TNNT2: variants seen among roughly 807,000 people sequenced by gnomAD.
TNNT2 encodes the protein troponin T2, cardiac type, also known as troponin T, cardiac muscle.
A neutral mutation model predicts 62.4 loss-of-function variants in TNNT2; 34 were observed. That is an observed-to-expected ratio of 0.54 (90% CI 0.41 to 0.72). TNNT2 has a LOEUF of 0.72. Ranked by LOEUF, TNNT2 falls within the 30% of genes least tolerant of loss-of-function variation. The pLI, the probability that TNNT2 is intolerant of heterozygous loss-of-function variation, is 0.00. For synonymous variants in TNNT2, 123 were observed against 127.2 expected (o/e 0.97, Z 0.22); for missense variants, 275 against 381.9 (o/e 0.72, Z 2.33).
At chr1:201,370,141 A>G (rs1485220953) in intron 4 of TNNT2, among the ~76,000 whole-genome samples, 2 of 152,248 alleles carry the variant, frequency 1.3e-5, no homozygotes, top group Non-Finnish European at 2.9e-5. Context: ...GGTGCCTGGC[A>G]CAAGAGGAGC....
chr1:201,366,798 G>A (rs1399669914), intron 8 of TNNT2, 40 bp downstream of exon 8: 2 of 1,613,942 alleles, frequency 1.2e-6, no homozygotes, highest in Non-Finnish European at 1.7e-6. Flanking sequence ...CTCTCCCTGA[G>A]CCTCTGCTCC....
At chr1:201,373,023 G>A in intron 2 of TNNT2, 191 bp downstream of exon 2, 2 of 724,444 alleles carry the variant, frequency 2.8e-6, no homozygotes, top group Non-Finnish European at 2.5e-6. Context: ...CTCGGCCTGT[G>A]CTCTGCCTGG....
Position 201,368,298 on chromosome 1 carries a change from G to C in TNNT2, c.98-71C>G, listed in dbSNP as rs1036634301. 2.5e-5 allele frequency: 38 copies of C among 1,532,656 alleles called. No homozygotes were observed. The South Asian group carries it at 4.1e-4, about 16-fold the overall frequency. The allele number at this position is 1,532,656 out of a possible 1,614,324, so 94.9% of individuals were successfully genotyped here. ...GCTATCAGGCAGAACCCAGAGCAGA[G>C]AATGGGCAGCGGGGAGTGGGGATGG... On this transcript the variant is annotated intron_variant, in intron 5 of 16. Transcript: ENST00000656932.
At chr1:201,362,516 G>T in intron 12 of TNNT2, 122 bp from the exon 13 acceptor site, 1 of 1,295,084 alleles carries the variant, frequency 7.7e-7, no homozygotes, top group Non-Finnish European at 1.1e-6. Flanking sequence ...TCAGATACTC[G>T]CTGTAGTCAG....
chr1:201,364,707 T>C (rs1659344143), intron 10 of TNNT2, among the ~76,000 whole-genome samples: 1 of 152,204 alleles, frequency 6.6e-6, no homozygotes, highest in African/African-American at 2.4e-5. Context: ...CTTGGATAGA[T>C]GGCCAAGTCA....
At chr1:201,375,242 G>A (rs74136606) in intron 1 of TNNT2, 11,912 of 152,442 alleles carry the variant, frequency 0.078, 927 homozygotes, top group African/African-American at 0.2. Context: ...CCAGGTGGAG[G>A]CTTCCCCAGA....
At chr1:201,367,055 T>C (rs1659794328) in intron 7 of TNNT2, 184 bp from the exon 8 acceptor site, 8 of 880,578 alleles carry the variant, frequency 9.1e-6, no homozygotes, top group Non-Finnish European at 1.3e-5. Flanking sequence ...GGGCTGCAGA[T>C]GCCACACTCC....
intron 8 of TNNT2, chr1:201,366,216 GGCAAATAAAT>G: frequency 1.9e-6 from 2 of 1,028,852 alleles, no homozygotes; most frequent in South Asian, 3.9e-5. Context: ...GAAGGCACTG[GGCAAATAAAT>G]GGATCTGGGA....
chr1:201,359,578 AG>A, intron 16 of TNNT2, 44 bp downstream of exon 16: 2 of 1,562,816 alleles, frequency 1.3e-6, no homozygotes, highest in Non-Finnish European at 1.7e-6. Context: ...GTAGGGAAGG[AG>A]GGGGCAGGGG....
chr1:201,359,764 C>T lies in TNNT2; in HGVS notation c.811-101G>A, dbSNP rs868819098. 4.2e-5 allele frequency: 43 copies of T among 1,015,136 alleles called. No homozygotes were observed. In the Middle Eastern group the frequency reaches 3.8e-3, roughly 90 times the overall value. The allele number at this position is 1,015,136 out of a possible 1,614,324, so 62.9% of individuals were successfully genotyped here. A position where few individuals can be genotyped will look rare whatever the true frequency, so the allele number is the denominator to read the frequency against. ...GAGAAGGGGGCTGAGTGCAGCAGTG[C>T]AGGAGGAGAAGGAGGAGCATGGAAG... On this transcript the variant is annotated intron_variant, in intron 15 of 16. Transcript: ENST00000656932.
chr1:201,363,003 G>T lies in TNNT2; in HGVS notation c.600+293C>A, dbSNP rs965889512. On this transcript the variant is annotated intron_variant, in intron 12 of 16. Transcript: ENST00000656932. Reference sequence around the variant, plus strand: ...CTCTAGGCACAAGGCTCTTCCAGCTGCACCCAGCCTCCTTGGGGGCTCCTG... The same window carrying T: ...CTCTAGGCACAAGGCTCTTCCAGCTTCACCCAGCCTCCTTGGGGGCTCCTG... The T allele has an allele frequency of 2.2e-5, 12 of 554,952 alleles. No homozygotes were observed. The African/African-American group carries it at 2.2e-4, about 10-fold the overall frequency. The allele number at this position is 554,952 out of a possible 1,614,324, so 34.4% of individuals were successfully genotyped here. A position where few individuals can be genotyped will look rare whatever the true frequency, so the allele number is the denominator to read the frequency against.
At chr1:201,365,380 C>G in intron 9 of TNNT2, 73 bp from the exon 10 acceptor site, 1 of 1,363,084 alleles carries the variant, frequency 7.3e-7, no homozygotes, top group Non-Finnish European at 1.0e-6. Context: ...GGGCTAGACA[C>G]CCCCCAACGC....
At chr1:201,359,763 G>T in intron 15 of TNNT2, 100 bp from the exon 16 acceptor site, 1 of 1,020,358 alleles carries the variant, frequency 9.8e-7, no homozygotes, top group Non-Finnish European at 1.5e-6. Context: ...GTGCAGCAGT[G>T]CAGGAGGAGA....
chr1:201,365,620 ACT>A lies in TNNT2; in HGVS notation c.282_283del (p.Arg94SerfsTer4), dbSNP rs1259701355. On this transcript the variant is annotated frameshift_variant, in exon 9 of 17. Transcript: ENST00000656932. LOFTEE classifies it high-confidence loss of function. ...ACAGCCACCGCTTACATCAAAGTCCACTCTCTCTCCATCGGGGATCTTGGGAG... is the reference window on the plus strand; with the variant it reads ...ACAGCCACCGCTTACATCAAAGTCCACTCTCTCCATCGGGGATCTTGGGAG... 8.7e-6 allele frequency: 14 copies of A among 1,613,370 alleles called. No individual in the cohort carries two copies. The highest frequency in any genetic ancestry group is 1.2e-5 in the Non-Finnish European group (14 of 1,179,900).
intron 4 of TNNT2, among the ~76,000 whole-genome samples, chr1:201,371,307 G>A (rs1378769543): frequency 3.9e-5 from 6 of 152,196 alleles, no homozygotes; most frequent in African/African-American, 1.4e-4. Flanking sequence ...TTCTTTCAGG[G>A]AGATGTGGGA....
At position 201,359,155 on chromosome 1, in the gene TNNT2, CAGGCCGG is replaced by C; in HGVS notation, c.*48_*54del. ...GGAGGGCCCGGGAACTGGGGGAGTG[CAGGCCGG>C]AGGCAGGTGCGAGCGAGGAGCAGAT... On this transcript the variant is annotated 3_prime_UTR_variant, in exon 17 of 17. Coordinates refer to ENST00000656932, the MANE Select transcript of TNNT2 (RefSeq NM_001276345.2). 1 of 1,583,612 alleles carries C rather than the reference CAGGCCGG, an allele frequency of 6.3e-7. No homozygotes were observed. Among genetic ancestry groups the C allele is most frequent in the Non-Finnish European group, 8.6e-7 (1 of 1,165,592 alleles).
chr1:201,372,700 C>G (rs1318492365), intron 2 of TNNT2, among the ~76,000 whole-genome samples: 1 of 152,236 alleles, frequency 6.6e-6, no homozygotes, highest in African/African-American at 2.4e-5. Flanking sequence ...ATACCTCTGT[C>G]TCCTCCCTGG....
At chr1:201,372,810 G>C (rs986240149) in intron 2 of TNNT2, among the ~76,000 whole-genome samples, 2 of 152,198 alleles carry the variant, frequency 1.3e-5, no homozygotes, top group African/African-American at 4.8e-5. Flanking sequence ...AGAGAGTAGG[G>C]ATCCAAGACA....
chr1:201,363,765 A>C, intron 11 of TNNT2: 1 of 345,832 alleles, frequency 2.9e-6, no homozygotes, highest in Non-Finnish European at 5.4e-6. Context: ...AGGGCTGGAG[A>C]GTCTTATAAA....
Sources: allele counts gnomAD v4.1 joint callset (sites outside exome capture counted in the v4.1 genomes callset), GRCh38; gene constraint gnomAD v4.1.1; transcripts MANE v1.5; gene names NCBI Gene and HGNC (gene_info 2026-07-23, HGNC 2026-07-21).